Variants in REDIC1 observed in about 807,000 individuals in gnomAD.
REDIC1 encodes the protein regulator of DNA class I crossover intermediates 1.
the REDIC1 span, among the ~76,000 whole-genome samples, chr12:39,738,985 A>G: frequency 5.7e-4 from 87 of 152,086 alleles, no homozygotes; most frequent in African/African-American, 1.9e-3. Context: ...AATCAAGTGG[A>G]TATATTTCTG....
At chr12:39,894,002 AG>A in the REDIC1 span, among the ~76,000 whole-genome samples, 1 of 152,252 alleles carries the variant, frequency 6.6e-6, no homozygotes, top group East Asian at 1.9e-4. Flanking sequence ...TATGTCAAAA[AG>A]CTAGACAATA....
the REDIC1 span, chr12:39,682,947 C>T: frequency 6.2e-7 from 1 of 1,613,350 alleles, no homozygotes; most frequent in Non-Finnish European, 8.5e-7. Flanking sequence ...AAAACCATGT[C>T]ACTGACAGAT....
At chr12:39,671,870 G>C in the REDIC1 span, among the ~76,000 whole-genome samples, 1 of 152,084 alleles carries the variant, frequency 6.6e-6, no homozygotes. Context: ...AGGTTTTCTG[G>C]GTCTGTTGTT....
chr12:39,832,650 C>T, the REDIC1 span, among the ~76,000 whole-genome samples: 2 of 152,034 alleles, frequency 1.3e-5, no homozygotes, highest in Non-Finnish European at 2.9e-5. Flanking sequence ...ACAGTCACTG[C>T]CCTCGTGAAG....
chr12:39,830,010 G>A, the REDIC1 span: 428 of 1,503,404 alleles, frequency 2.8e-4, 1 homozygote, highest in African/African-American at 5.3e-3. Flanking sequence ...CAGTTTAAAA[G>A]AACTGCTATA....
the REDIC1 span, among the ~76,000 whole-genome samples, chr12:39,706,086 A>C: frequency 2.0e-5 from 3 of 152,090 alleles, no homozygotes; most frequent in Non-Finnish European, 2.9e-5. Flanking sequence ...ATGCCATAAA[A>C]AACCTATTAG....
At chr12:39,745,676 A>C in the REDIC1 span, among the ~76,000 whole-genome samples, 2 of 152,252 alleles carry the variant, frequency 1.3e-5, no homozygotes, top group East Asian at 1.9e-4. Context: ...ACTTAACAGG[A>C]ATAAGAAACT....
the REDIC1 span, chr12:39,646,560 C>G: frequency 1.7e-6 from 2 of 1,207,834 alleles, no homozygotes; most frequent in Non-Finnish European, 2.3e-6. Flanking sequence ...CCTTCTACCC[C>G]CAGTTTTTGT....
At chr12:39,726,864 C>T in the REDIC1 span, among the ~76,000 whole-genome samples, 8 of 152,202 alleles carry the variant, frequency 5.3e-5, no homozygotes, top group Admixed American at 2.0e-4. Flanking sequence ...TTCTAACTGG[C>T]GCGAGATGGT....
the REDIC1 span, among the ~76,000 whole-genome samples, chr12:39,658,409 T>C: frequency 1.3e-5 from 2 of 152,198 alleles, no homozygotes; most frequent in African/African-American, 4.8e-5. Context: ...TTCTAATCTT[T>C]CTTTGGATTT....
the REDIC1 span, among the ~76,000 whole-genome samples, chr12:39,813,364 G>C: frequency 6.6e-6 from 1 of 151,900 alleles, no homozygotes; most frequent in South Asian, 2.1e-4. Flanking sequence ...TAATTAACCG[G>C]ATGTACCCAT....
chr12:39,739,339 A>G, the REDIC1 span, among the ~76,000 whole-genome samples: 1 of 152,202 alleles, frequency 6.6e-6, no homozygotes, highest in Non-Finnish European at 1.5e-5. Context: ...TTTTAATTTA[A>G]TAGAGGATTC....
the REDIC1 span, among the ~76,000 whole-genome samples, chr12:39,656,860 G>A: frequency 4.6e-5 from 7 of 151,952 alleles, no homozygotes; most frequent in African/African-American, 1.7e-4. Flanking sequence ...TATAGAATAA[G>A]GCTGTAAAGA....
the REDIC1 span, among the ~76,000 whole-genome samples, chr12:39,760,578 C>G: frequency 6.6e-6 from 1 of 151,904 alleles, no homozygotes; most frequent in Non-Finnish European, 1.5e-5. Context: ...TTGTTGAGAC[C>G]CCTAAAATAA....
the REDIC1 span, among the ~76,000 whole-genome samples, chr12:39,694,622 G>A: frequency 6.6e-6 from 1 of 152,162 alleles, no homozygotes; most frequent in African/African-American, 2.4e-5. Flanking sequence ...CTCCTATTAT[G>A]GGCTAAAGTG....
the REDIC1 span, among the ~76,000 whole-genome samples, chr12:39,733,075 A>ACACG: frequency 6.7e-6 from 1 of 150,358 alleles, no homozygotes; most frequent in African/African-American, 2.4e-5. Flanking sequence ...AAATGCACAC[A>ACACG]CACACACACA....
At chr12:39,775,589 T>C in the REDIC1 span, among the ~76,000 whole-genome samples, 148,078 of 152,336 alleles carry the variant, frequency 0.97, 71,971 homozygotes, top group East Asian at 1. Context: ...CTTATTCCAT[T>C]ATCACATCCA....
At chr12:39,876,560 C>G in the REDIC1 span, among the ~76,000 whole-genome samples, 2 of 151,894 alleles carry the variant, frequency 1.3e-5, no homozygotes, top group African/African-American at 4.8e-5. Flanking sequence ...GATAGACTTA[C>G]TAAATTAAAA....
At chr12:39,649,213 C>T in the REDIC1 span, among the ~76,000 whole-genome samples, 1 of 151,718 alleles carries the variant, frequency 6.6e-6, no homozygotes, top group Non-Finnish European at 1.5e-5. Context: ...TAGATAATGT[C>T]CCTTTTCAAT....
Sources: gnomAD v4.1 joint callset for allele counts (sites outside exome capture counted in the v4.1 genomes callset) on GRCh38, gnomAD v4.1.1 for gene constraint, MANE v1.5 for transcripts, NCBI Gene and HGNC (gene_info 2026-07-23, HGNC 2026-07-21) for gene names.